The following SAMMSON variants were observed in gnomAD, a reference collection of about 807,000 sequenced individuals.
The protein encoded by SAMMSON is survival associated mitochondrial melanoma specific oncogenic non-coding RNA, also known as long intergenic non-protein coding RNA 1212.
chr3:70,277,907 C>G (rs1037491709), intron 6 of SAMMSON, among the ~76,000 whole-genome samples: 6 of 152,100 alleles, frequency 3.9e-5, no homozygotes, highest in Admixed American at 6.6e-5. Flanking sequence ...ATGATTGAGA[C>G]CCTACTGGCC....
intron 4 of SAMMSON, among the ~76,000 whole-genome samples, chr3:70,193,536 A>G (rs72941564): frequency 0.099 from 15,097 of 152,038 alleles, 818 homozygotes; most frequent in South Asian, 0.22. Flanking sequence ...CCCTATGTTG[A>G]TTATCACTGG....
chr3:70,276,315 A>G (rs1702025315), intron 6 of SAMMSON, among the ~76,000 whole-genome samples: 1 of 152,192 alleles, frequency 6.6e-6, no homozygotes, highest in African/African-American at 2.4e-5. Flanking sequence ...AAATAACTTT[A>G]TATTATTCCA....
chr3:70,307,237 T>A (rs1401616094), intron 7 of SAMMSON, among the ~76,000 whole-genome samples: 2 of 152,108 alleles, frequency 1.3e-5, no homozygotes, highest in Non-Finnish European at 2.9e-5. Flanking sequence ...TACTTAACCT[T>A]TAACAATCAG....
At chr3:70,102,735 G>A (rs1258883502) in intron 4 of SAMMSON, among the ~76,000 whole-genome samples, 1 of 152,152 alleles carries the variant, frequency 6.6e-6, no homozygotes, top group Non-Finnish European at 1.5e-5. Context: ...TCTTGACCCT[G>A]GTCTCTAAAT....
intron 6 of SAMMSON, among the ~76,000 whole-genome samples, chr3:70,262,920 C>T (rs1399890833): frequency 6.6e-6 from 1 of 152,136 alleles, no homozygotes; most frequent in Non-Finnish European, 1.5e-5. Flanking sequence ...TGGATAGTTT[C>T]TGTTGCTACA....
intron 4 of SAMMSON, among the ~76,000 whole-genome samples, chr3:70,234,391 G>A (rs1190786689): frequency 2.6e-5 from 4 of 152,180 alleles, no homozygotes; most frequent in Non-Finnish European, 4.4e-5. Flanking sequence ...GCTCATGCCT[G>A]TAATCCTAGC....
chr3:70,343,239 T>G (rs1363717633), intron 7 of SAMMSON, among the ~76,000 whole-genome samples: 2 of 152,198 alleles, frequency 1.3e-5, no homozygotes, highest in Non-Finnish European at 2.9e-5. Flanking sequence ...ATATTTTTAT[T>G]AAATAAAATT....
chr3:70,185,807 CAAAAAA>C (rs34529551), intron 4 of SAMMSON, among the ~76,000 whole-genome samples: 9 of 102,970 alleles, frequency 8.7e-5, no homozygotes, highest in South Asian at 3.6e-4. Context: ...CCCGCCTCTA[CAAAAAA>C]AAAAAAAAAA....
At chr3:70,203,392 A>C (rs1225212800) in intron 4 of SAMMSON, among the ~76,000 whole-genome samples, 1 of 152,138 alleles carries the variant, frequency 6.6e-6, no homozygotes, top group Non-Finnish European at 1.5e-5. Flanking sequence ...ATAAAGAGTG[A>C]TTGAATGCCT....
intron 4 of SAMMSON, among the ~76,000 whole-genome samples, chr3:70,240,968 AGCTCATC>A (rs1701662128): frequency 6.6e-6 from 1 of 152,170 alleles, no homozygotes; most frequent in Non-Finnish European, 1.5e-5. Flanking sequence ...ATAGCTTACT[AGCTCATC>A]TTGGCCTTTC....
chr3:70,199,780 GTT>G (rs938103152), intron 4 of SAMMSON, among the ~76,000 whole-genome samples: 14 of 152,248 alleles, frequency 9.2e-5, no homozygotes, highest in African/African-American at 3.4e-4. Flanking sequence ...GTGCTTTAAT[GTT>G]TAATAAATGT....
At chr3:70,384,624 C>T (rs558598076) in intron 9 of SAMMSON, among the ~76,000 whole-genome samples, 53 of 152,042 alleles carry the variant, frequency 3.5e-4, no homozygotes, top group Non-Finnish European at 6.2e-4. Flanking sequence ...ACTTGTACCC[C>T]TGAATAGCAG....
At chr3:70,023,377 C>T (rs774097997) in intron 3 of SAMMSON, among the ~76,000 whole-genome samples, 1 of 151,506 alleles carries the variant, frequency 6.6e-6, no homozygotes, top group Non-Finnish European at 1.5e-5. Context: ...AGGAGAATGG[C>T]GTGAATCCAG....
chr3:70,217,908 T>G, intron 4 of SAMMSON, among the ~76,000 whole-genome samples: 1 of 152,176 alleles, frequency 6.6e-6, no homozygotes, highest in East Asian at 1.9e-4. Context: ...ATTTGTGATG[T>G]GCCTGTATAA....
chr3:70,356,668 C>T (rs1575632688), intron 8 of SAMMSON, among the ~76,000 whole-genome samples: 1 of 152,016 alleles, frequency 6.6e-6, no homozygotes, highest in East Asian at 1.9e-4. Flanking sequence ...AACTCTTAAA[C>T]TTTTAAAATA....
chr3:70,363,048 A>T (rs1289693019), intron 9 of SAMMSON, among the ~76,000 whole-genome samples: 2 of 152,084 alleles, frequency 1.3e-5, no homozygotes, highest in African/African-American at 2.4e-5. Flanking sequence ...GACCATAGTA[A>T]AGACAAAGGG....
At chr3:70,138,207 A>G (rs2067513743) in intron 4 of SAMMSON, among the ~76,000 whole-genome samples, 1 of 152,190 alleles carries the variant, frequency 6.6e-6, no homozygotes, top group Non-Finnish European at 1.5e-5. Context: ...GGCACTTTAA[A>G]ATCTGTATTA....
At chr3:70,340,695 G>T (rs1186865459) in intron 7 of SAMMSON, among the ~76,000 whole-genome samples, 1 of 152,200 alleles carries the variant, frequency 6.6e-6, no homozygotes, top group South Asian at 2.1e-4. Flanking sequence ...CTGTTGTCAC[G>T]ATTCATTATT....
intron 4 of SAMMSON, among the ~76,000 whole-genome samples, chr3:70,193,697 G>T (rs1489404436): frequency 6.6e-6 from 1 of 152,180 alleles, no homozygotes; most frequent in Non-Finnish European, 1.5e-5. Context: ...TCTATAGTTT[G>T]TGTGGACTGA....
Sources: allele counts gnomAD v4.1 joint callset (sites outside exome capture counted in the v4.1 genomes callset), GRCh38; gene constraint gnomAD v4.1.1; transcripts MANE v1.5; gene names NCBI Gene and HGNC (gene_info 2026-07-23, HGNC 2026-07-21).